Variants in TIMD4 observed in about 807,000 individuals in gnomAD.
The protein encoded by TIMD4 is T cell immunoglobulin and mucin domain containing 4.
In TIMD4, 31 loss-of-function variants were observed where a neutral mutation model predicts 41.2. The ratio of observed to expected loss-of-function variants is 0.75; its 90% CI spans 0.57 to 1.01. The LOEUF is 1.01. Among genes scored for constraint, TIMD4 ranks in the 50% least tolerant of loss-of-function variants. The pLI is 0.00. For synonymous variants in TIMD4, 204 were observed against 177.1 expected (o/e 1.15, Z -1.21); for missense variants, 479 against 472.5 (o/e 1.01, Z -0.13).
chr5:156,926,280 T>C lies in TIMD4; in HGVS notation c.877A>G (p.Thr293Ala). 6.2e-7 allele frequency: 1 copy of C among 1,613,602 alleles called. No homozygotes were observed. The highest frequency in any genetic ancestry group is 8.5e-7 in the Non-Finnish European group (1 of 1,179,660). The change falls in exon 6 of 9, where the codon ACA becomes GCA. Residue 293 changes from threonine (T) to alanine (A), a missense_variant. Transcript: ENST00000274532. ...TTTTTTACCTGTCCTGTTTTTGTTG[T>C]TTTGTTCTGCTCAGGAACTGCTGTA... ...SDTAVPEQNK[T>A]TKTGQMDGIP...
chr5:156,942,704 C>A (rs1308531339), intron 5 of TIMD4, among the ~76,000 whole-genome samples: 1 of 152,178 alleles, frequency 6.6e-6, no homozygotes, highest in Non-Finnish European at 1.5e-5. Flanking sequence ...AAGACATGTA[C>A]ACAGAGTTGC....
chr5:156,954,389 A>T (rs751158268), intron 2 of TIMD4, 26 bp downstream of exon 2: 1 of 1,594,338 alleles, frequency 6.3e-7, no homozygotes, highest in East Asian at 2.2e-5. Flanking sequence ...CTCCTTCCGC[A>T]GGCATGAGGC....
At chr5:156,934,317 T>TC (rs1419043891) in intron 5 of TIMD4, among the ~76,000 whole-genome samples, 1 of 152,216 alleles carries the variant, frequency 6.6e-6, no homozygotes, top group African/African-American at 2.4e-5. Flanking sequence ...CAATCAGGGC[T>TC]CACTGCAGCC....
chr5:156,934,340 G>C (rs767634232), intron 5 of TIMD4, among the ~76,000 whole-genome samples: 1 of 152,276 alleles, frequency 6.6e-6, no homozygotes, highest in Admixed American at 6.5e-5. Flanking sequence ...AACCTCCCAG[G>C]CTCTGGCTCA....
chr5:156,921,127 C>CG (rs1398459999), intron 7 of TIMD4, among the ~76,000 whole-genome samples: 2 of 20,328 alleles, frequency 9.8e-5, no homozygotes, highest in Non-Finnish European at 9.9e-5. Flanking sequence ...CTTTTGGGGG[C>CG]GGGGGGCAGG....
At chr5:156,957,375 T>C (rs779002171) in intron 1 of TIMD4, among the ~76,000 whole-genome samples, 4 of 151,744 alleles carry the variant, frequency 2.6e-5, no homozygotes, top group Non-Finnish European at 5.9e-5. Context: ...TAGCTGGGCA[T>C]GATGGTGGGT....
intron 2 of TIMD4, among the ~76,000 whole-genome samples, chr5:156,954,165 C>T (rs929682794): frequency 6.6e-6 from 1 of 152,054 alleles, no homozygotes; most frequent in Non-Finnish European, 1.5e-5. Flanking sequence ...GTGGTAATCC[C>T]CTAGATACGT....
In TIMD4 at chr5:156,954,531, A is replaced by G. The variant is rs1759930232; in HGVS notation, c.284T>C (p.Val95Ala). 1.2e-6 allele frequency: 2 copies of G among 1,614,244 alleles called. No individual in the cohort carries two copies. The highest frequency in any genetic ancestry group is 4.5e-5 in the East Asian group (2 of 44,886). Residue 95 changes from valine to alanine, a missense_variant, in exon 2 of 9, where the codon GTC (valine) becomes GCC (alanine). By Grantham distance (64) the Val-to-Ala change is moderately conservative. Transcript: ENST00000274532. The stretch of plus-strand genomic sequence containing the variant: ...ACTGGGGTTTAAGATGGTCAAGGAG[A>G]CATCACCTCTCGGGATAGTCCCCTG... ...RLQGTIPRGDVSLTILNPSES... is the reference protein window; with the variant it reads ...RLQGTIPRGDASLTILNPSES...
intron 7 of TIMD4, among the ~76,000 whole-genome samples, chr5:156,921,833 G>A (rs539964966): frequency 2.6e-5 from 4 of 152,188 alleles, no homozygotes; most frequent in Admixed American, 1.3e-4. Context: ...CATCAGGACT[G>A]GCACAGAAAT....
intron 5 of TIMD4, among the ~76,000 whole-genome samples, chr5:156,946,021 G>A (rs1234996308): frequency 6.6e-6 from 1 of 152,186 alleles, no homozygotes; most frequent in Non-Finnish European, 1.5e-5. Context: ...CTCTTCACCA[G>A]AGCAGCAAGT....
intron 5 of TIMD4, among the ~76,000 whole-genome samples, chr5:156,932,703 G>A (rs569260530): frequency 5.9e-5 from 9 of 152,268 alleles, no homozygotes; most frequent in African/African-American, 2.2e-4. Flanking sequence ...TTGAAAACAA[G>A]CATTAAAGAA....
rs561033161 is a variant in TIMD4, at chr5:156,921,139, G to A, written c.1013-636C>T. On this transcript the variant is annotated intron_variant, in intron 7 of 8. Transcript: ENST00000274532. ...AAACTTTTGGGGGCGGGGGGCAGGGGTGGGATGGAGGTGCAAGGTCATGGA... is the reference window on the plus strand; with the variant it reads ...AAACTTTTGGGGGCGGGGGGCAGGGATGGGATGGAGGTGCAAGGTCATGGA... 2.0e-5 allele frequency among the ~76,000 whole-genome samples: 3 copies of A among 147,948 alleles called. No individual in the cohort carries two copies. In the South Asian group the frequency reaches 6.4e-4, roughly 32 times the overall value.
At chr5:156,938,611 C>G (rs542343588) in intron 5 of TIMD4, among the ~76,000 whole-genome samples, 30 of 152,304 alleles carry the variant, frequency 2.0e-4, no homozygotes, top group African/African-American at 6.7e-4. Context: ...CTAGATCAAA[C>G]CTACCTCTGC....
At chr5:156,948,235 C>G (rs979927233) in intron 5 of TIMD4, among the ~76,000 whole-genome samples, 181 bp downstream of exon 5, 6 of 150,612 alleles carry the variant, frequency 4.0e-5, no homozygotes, top group African/African-American at 7.4e-5. Context: ...CAAGCTGGCT[C>G]TAGAACTTTG....
At chr5:156,940,708 T>G (rs542271545) in intron 5 of TIMD4, among the ~76,000 whole-genome samples, 1 of 150,422 alleles carries the variant, frequency 6.6e-6, no homozygotes, top group South Asian at 2.1e-4. Flanking sequence ...GAGGAGCCCC[T>G]CCGCCCGGCA....
At chr5:156,933,298 T>C (rs534809438) in intron 5 of TIMD4, among the ~76,000 whole-genome samples, 95 of 152,142 alleles carry the variant, frequency 6.2e-4, no homozygotes, top group African/African-American at 2.1e-3. Flanking sequence ...GGAAGGGTCG[T>C]TTGGGGCCAC....
chr5:156,950,512 C>T (rs1054706532), intron 3 of TIMD4, among the ~76,000 whole-genome samples: 3 of 152,132 alleles, frequency 2.0e-5, no homozygotes, highest in Non-Finnish European at 4.4e-5. Context: ...TTGGAATTTT[C>T]CAAGACTTAT....
chr5:156,937,340 C>T (rs559963346), intron 5 of TIMD4, among the ~76,000 whole-genome samples: 3 of 152,234 alleles, frequency 2.0e-5, no homozygotes, highest in South Asian at 2.1e-4. Flanking sequence ...TACCAAAGGG[C>T]GTTTGTACCT....
chr5:156,946,180 GA>G (rs1488869024), intron 5 of TIMD4, among the ~76,000 whole-genome samples: 1 of 152,204 alleles, frequency 6.6e-6, no homozygotes, highest in Non-Finnish European at 1.5e-5. Context: ...GATGGTGTTA[GA>G]ATGTTCTCCC....
Sources: gnomAD v4.1 joint callset for allele counts (sites outside exome capture counted in the v4.1 genomes callset) on GRCh38, gnomAD v4.1.1 for gene constraint, MANE v1.5 for transcripts, NCBI Gene and HGNC (gene_info 2026-07-23, HGNC 2026-07-21) for gene names.